Variants in MED15 observed in about 807,000 individuals in gnomAD.
The protein encoded by MED15 is mediator of RNA polymerase II transcription subunit 15.
MED15 carries 41 observed loss-of-function variants against 118.7 expected under a neutral mutation model. The observed-to-expected ratio is 0.35, with a 90% confidence interval of 0.27 to 0.45. MED15 has a LOEUF of 0.45. Ranked by LOEUF, MED15 falls within the 20% of genes least tolerant of loss-of-function variation. MED15 has a pLI of 1.00. For missense variants in MED15, 740 were observed against 1,025.5 expected (o/e 0.72, Z 3.80); for synonymous variants, 436 against 413.9 (o/e 1.05, Z -0.65).
intron 2 of MED15, among the ~76,000 whole-genome samples, chr22:20,543,319 A>G (rs1380945153): frequency 7.9e-6 from 1 of 126,170 alleles, no homozygotes; most frequent in African/African-American, 3.1e-5. Flanking sequence ...TCAGGTGATT[A>G]TCCTGCCTCA....
intron 1 of MED15, chr22:20,522,778 A>C (rs931175247): frequency 6.6e-6 from 1 of 152,524 alleles, no homozygotes; most frequent in African/African-American, 2.4e-5. Context: ...GCCGTCCTGG[A>C]GGCTGGATGA....
rs1275530168 is a variant in MED15, at chr22:20,568,605, G to T, written c.1126G>T (p.Ala376Ser). The part of the protein sequence containing the change: ...QQTAVQTAQA[A>S]QMVAPGVQMI... Reference sequence around the variant, plus strand: ...GACAGCAGTACAGACAGCTCAGGCTGCCCAGATGGTGGCTCCCGGAGTCCA... The same window carrying T: ...GACAGCAGTACAGACAGCTCAGGCTTCCCAGATGGTGGCTCCCGGAGTCCA... The change falls in exon 8 of 18, where the codon GCC becomes TCC. Residue 376 changes from alanine (A) to serine (S), a missense_variant. By Grantham distance (99) the Ala-to-Ser change is moderately conservative. Around this residue, in one of 7 missense-constraint regions of MED15, gnomAD observed 384 missense variants for 506.3 expected, o/e 0.76. Coordinates refer to ENST00000263205, the MANE Select transcript of MED15 (RefSeq NM_001003891.3). The T allele has an allele frequency of 1.9e-6, 3 of 1,613,638 alleles. No individual in the cohort carries two copies. Among genetic ancestry groups the T allele is most frequent in the Non-Finnish European group, 2.5e-6 (3 of 1,179,976 alleles).
intron 6 of MED15, 65 bp from the exon 7 acceptor site, chr22:20,566,402 C>A: frequency 6.3e-7 from 1 of 1,588,904 alleles, no homozygotes. Flanking sequence ...CAGACTGTCA[C>A]AGGGAGGAGC....
Position 20,583,407 on chromosome 22 carries a change from A to G in MED15, c.1736+14A>G, listed in dbSNP as rs2057045896. The stretch of plus-strand genomic sequence containing the variant: ...CCCCTCGAAGCGGTGAGCTTTGCCC[A>G]CAGCCCACGGAGGGTCCACAAGGGC... On this transcript the variant is annotated intron_variant, in intron 13 of 17. Transcript: ENST00000263205. 6.2e-7 allele frequency: 1 copy of G among 1,611,518 alleles called. No individual in the cohort carries two copies. The highest frequency in any genetic ancestry group is 8.5e-7 in the Non-Finnish European group (1 of 1,179,962).
intron 1 of MED15, among the ~76,000 whole-genome samples, chr22:20,527,967 A>G (rs1220332776): frequency 6.6e-6 from 1 of 151,808 alleles, no homozygotes; most frequent in Admixed American, 6.6e-5. Flanking sequence ...AAAAAAAAAA[A>G]AAAAAAAAAT....
At chr22:20,524,350 C>T (rs1206796788) in intron 1 of MED15, 2 of 152,260 alleles carry the variant, frequency 1.3e-5, no homozygotes, top group African/African-American at 4.8e-5. Context: ...CTGTAGCTGT[C>T]TAGAGACCTA....
intron 1 of MED15, among the ~76,000 whole-genome samples, chr22:20,525,927 CT>C (rs113769626): frequency 4.5e-4 from 65 of 144,740 alleles, no homozygotes; most frequent in Non-Finnish European, 4.4e-4. Flanking sequence ...TTTTAATTTT[CT>C]TTTTTTTTTT....
intron 1 of MED15, among the ~76,000 whole-genome samples, chr22:20,511,773 C>T (rs2054072395): frequency 2.0e-5 from 3 of 152,078 alleles, no homozygotes; most frequent in South Asian, 2.1e-4. Context: ...CTTCCCAGTC[C>T]CATCCTTCTT....
chr22:20,512,912 T>C (rs2054123384), intron 1 of MED15, among the ~76,000 whole-genome samples: 1 of 151,856 alleles, frequency 6.6e-6, no homozygotes, highest in African/African-American at 2.4e-5. Context: ...CAGCTAATTT[T>C]TGTATTTTTA....
At chr22:20,570,746 C>CTTTCTTTTT (rs1569236484) in intron 8 of MED15, among the ~76,000 whole-genome samples, 3 of 62,068 alleles carry the variant, frequency 4.8e-5, no homozygotes, top group East Asian at 1.1e-3. Context: ...TTCTTTCTTT[C>CTTTCTTTTT]TTTTTTTTTT....
rs534371345 is a variant in MED15 at position 20,571,516 on chromosome 22, A to G, written c.1152+2885A>G. ...GTCCAGCAGTGGGTAGGGCGTATCT[A>G]TGAGGTGCTTCTCAGTCCAGATGTG... On this transcript the variant is annotated intron_variant, in intron 8 of 17. Coordinates refer to ENST00000263205, the MANE Select transcript of MED15 (RefSeq NM_001003891.3). 1.5e-4 allele frequency among the ~76,000 whole-genome samples: 23 copies of G among 152,328 alleles called. No homozygotes were observed. The South Asian group carries it at 3.1e-3, about 21-fold the overall frequency.
intron 5 of MED15, among the ~76,000 whole-genome samples, chr22:20,557,844 C>G (rs1447151684): frequency 6.6e-6 from 1 of 152,198 alleles, no homozygotes; most frequent in African/African-American, 2.4e-5. Context: ...CGGTGGCTCA[C>G]GCCTGTAATC....
intron 2 of MED15, among the ~76,000 whole-genome samples, chr22:20,541,220 C>A (rs1439218831): frequency 2.0e-5 from 3 of 152,004 alleles, no homozygotes; most frequent in Non-Finnish European, 4.4e-5. Context: ...GACTGGGTGA[C>A]AGAGTGAGAC....
intron 5 of MED15, 22 bp downstream of exon 5, chr22:20,555,170 G>C: frequency 6.4e-7 from 1 of 1,553,734 alleles, no homozygotes; most frequent in Non-Finnish European, 8.7e-7. Flanking sequence ...ACTTCTTGGA[G>C]GATTTGCCGC....
intron 9 of MED15, chr22:20,582,370 C>A: frequency 1.7e-6 from 1 of 603,536 alleles, no homozygotes; most frequent in Non-Finnish European, 2.9e-6. Flanking sequence ...CCTGTGGGTC[C>A]CTGGCCAAGG....
At chr22:20,552,995 T>G in intron 3 of MED15, 150 bp from the exon 4 acceptor site, 1 of 687,442 alleles carries the variant, frequency 1.5e-6, no homozygotes, top group South Asian at 1.9e-5. Flanking sequence ...CTGCCAAGAG[T>G]AGAAACACTT....
intron 2 of MED15, 74 bp from the exon 3 acceptor site, chr22:20,551,362 G>C (rs1192359623): frequency 7.3e-7 from 1 of 1,371,626 alleles, no homozygotes. Context: ...CAGCAGGCGA[G>C]GGGGCGGGAA....
chr22:20,515,437 A>G (rs2054214193), intron 1 of MED15, among the ~76,000 whole-genome samples: 1 of 150,270 alleles, frequency 6.7e-6, no homozygotes, highest in South Asian at 2.1e-4. Context: ...CATAAGATAC[A>G]CTAACACTAA....
At chr22:20,550,209 G>A (rs969077832) in intron 2 of MED15, among the ~76,000 whole-genome samples, 1 of 152,124 alleles carries the variant, frequency 6.6e-6, no homozygotes, top group African/African-American at 2.4e-5. Flanking sequence ...CAGGCTGCCT[G>A]TGGGCCCCCT....
Sources: gnomAD v4.1 joint callset for allele counts (sites outside exome capture counted in the v4.1 genomes callset) on GRCh38, gnomAD v4.1.1 for gene constraint, gnomAD v4.1.1 regional missense constraint, MANE v1.5 for transcripts, NCBI Gene and HGNC (gene_info 2026-07-23, HGNC 2026-07-21) for gene names.